Variants in ZNF273 observed in about 807,000 individuals in gnomAD.
ZNF273 encodes the protein zinc finger protein 273, also known as zinc finger protein 9.
In ZNF273, 11 loss-of-function variants were observed where a neutral mutation model predicts 14.9. That is an observed-to-expected ratio of 0.74 (90% CI 0.46 to 1.22). ZNF273 has a LOEUF of 1.22. ZNF273 is among the 50% of genes most tolerant of loss of function. The pLI is 0.00. For synonymous variants in ZNF273, 199 were observed against 223.9 expected, an observed-to-expected ratio of 0.89 and a Z score of 0.99; for missense variants, 577 against 660.6, an observed-to-expected ratio of 0.87 and a Z score of 1.39.
At chr7:64,911,275 C>T (rs1455768972) in intron 1 of ZNF273, among the ~76,000 whole-genome samples, 1 of 143,698 alleles carries the variant, frequency 7.0e-6, no homozygotes, top group Non-Finnish European at 1.5e-5. Context: ...TTATAGTGAA[C>T]TAGCCTTTTT....
At chr7:64,884,353 A>G (rs189062139), downstream of ZNF273, among the ~76,000 whole-genome samples, 2 of 152,076 alleles carry the variant, frequency 1.3e-5, no homozygotes, top group Admixed American at 6.5e-5. Flanking sequence ...CTCCCATTTG[A>G]GCCTTTATTT....
At position 64,921,605 on chromosome 7, in the gene ZNF273, CTTTTTTTTTTTTTTT is replaced by C. The variant is rs752363426; in HGVS notation, c.325+3331_325+3345del. On this transcript the variant is annotated intron_variant, in intron 3 of 3. Transcript: ENST00000476120. ...TATCAATCTTTGCTTCATGCTAATG[CTTTTTTTTTTTTTTT>C]TTTTTTTTTTTTTTTTTGTGTGTGA... Among the ~76,000 whole-genome samples, 178 of 57,958 alleles carry C rather than the reference CTTTTTTTTTTTTTTT, an allele frequency of 3.1e-3. 1 individual carries two copies. The highest frequency in any genetic ancestry group is 3.7e-3 in the Non-Finnish European group (117 of 31,478). The allele number at this position is 57,958 out of a possible 152,430, so 38.0% of individuals were successfully genotyped here.
downstream of ZNF273, chr7:64,893,396 T>C (rs1051052557): frequency 6.6e-6 from 1 of 152,244 alleles, no homozygotes; most frequent in African/African-American, 2.4e-5. Context: ...GTCCATCATG[T>C]TCTGTTTTCT....
intron 3 of ZNF273, among the ~76,000 whole-genome samples, chr7:64,921,365 A>C (rs1355669428): frequency 6.6e-6 from 1 of 151,878 alleles, no homozygotes; most frequent in East Asian, 1.9e-4. Context: ...CCTAGCCTTA[A>C]GTTTTCTTTG....
intron 1 of ZNF273, among the ~76,000 whole-genome samples, chr7:64,916,618 A>G (rs1378075011): frequency 1.3e-5 from 2 of 151,966 alleles, no homozygotes; most frequent in Non-Finnish European, 2.9e-5. Flanking sequence ...AAGAGGGCAT[A>G]AAACTGATGT....
At chr7:64,906,776 A>C (rs1583984329) in intron 1 of ZNF273, among the ~76,000 whole-genome samples, 1 of 152,168 alleles carries the variant, frequency 6.6e-6, no homozygotes, top group East Asian at 1.9e-4. Flanking sequence ...GTCTTACTGG[A>C]GATGAAGTTG....
Position 64,923,584 on chromosome 7 carries a change from C to T in ZNF273, c.326-4070C>T, listed in dbSNP as rs547445892. ...CTCGAACGCCTGACCTCGTGTGATC[C>T]GCCCTCCTCAGCCTCCCAAAGTGCT... On this transcript the variant is annotated intron_variant, in intron 3 of 3. Coordinates refer to ENST00000476120, the MANE Select transcript of ZNF273 (RefSeq NM_021148.3). 576 of 309,604 alleles carry T rather than the reference C, an allele frequency of 1.9e-3. 3 individuals carry two copies. Among genetic ancestry groups the T allele is most frequent in the Non-Finnish European group, 2.5e-3 (406 of 159,854 alleles). 19.2% of individuals were successfully genotyped at this position (309,604 alleles called of 1,614,324 possible).
chr7:64,921,648 CAG>C (rs1794473065), intron 3 of ZNF273, among the ~76,000 whole-genome samples: 1 of 69,132 alleles, frequency 1.4e-5, no homozygotes, highest in South Asian at 5.2e-4. Context: ...GTGTGTGAGA[CAG>C]AGTCTTGCTC....
chr7:64,883,968 C>T (rs551495186), downstream of ZNF273, among the ~76,000 whole-genome samples: 65 of 152,334 alleles, frequency 4.3e-4, no homozygotes, highest in African/African-American at 1.5e-3. Context: ...CTGTTACATC[C>T]GCCAACAACG....
At chr7:64,894,280 C>G (rs750240786), downstream of ZNF273, among the ~76,000 whole-genome samples, 1 of 151,800 alleles carries the variant, frequency 6.6e-6, no homozygotes, top group Non-Finnish European at 1.5e-5. Flanking sequence ...GCCGGGATTA[C>G]GGGCATGAGC....
At chr7:64,918,360 C>G in intron 3 of ZNF273, 68 bp downstream of exon 3, 4 of 1,415,190 alleles carry the variant, frequency 2.8e-6, no homozygotes, top group Middle Eastern at 1.9e-4. Flanking sequence ...AGGAGAAAGT[C>G]AGTTCTTAAA....
intron 3 of ZNF273, among the ~76,000 whole-genome samples, chr7:64,918,573 A>G (rs1794180876): frequency 6.7e-6 from 1 of 148,898 alleles, no homozygotes; most frequent in Admixed American, 6.9e-5. Flanking sequence ...AGGCAGGAAA[A>G]TCACTTGAAC....
downstream of ZNF273, among the ~76,000 whole-genome samples, chr7:64,883,077 G>T (rs1276851637): frequency 6.6e-6 from 1 of 151,906 alleles, no homozygotes; most frequent in Non-Finnish European, 1.5e-5. Context: ...TTTTTTTTCC[G>T]AGTGGCCCGA....
downstream of ZNF273, chr7:64,879,858 G>A (rs1169602015): frequency 6.6e-6 from 1 of 152,210 alleles, no homozygotes; most frequent in African/African-American, 2.4e-5. Flanking sequence ...ACAGGGCCAC[G>A]GAGACAAACT....
intron 1 of ZNF273, among the ~76,000 whole-genome samples, chr7:64,914,893 C>G (rs1220972754): frequency 7.5e-6 from 1 of 132,672 alleles, no homozygotes; most frequent in East Asian, 2.1e-4. Flanking sequence ...GAAGGAATCC[C>G]AGAGAAGGAG....
At chr7:64,922,322 G>GTTTTTTTGTT (rs1794525815) in intron 3 of ZNF273, among the ~76,000 whole-genome samples, 1 of 149,496 alleles carries the variant, frequency 6.7e-6, no homozygotes, top group Admixed American at 6.7e-5. Context: ...CTTTGTTTTT[G>GTTTTTTTGTT]TTTTTTTGTT....
chr7:64,932,302 A>C (rs1795006168), downstream of ZNF273, among the ~76,000 whole-genome samples: 1 of 151,724 alleles, frequency 6.6e-6, no homozygotes, highest in Non-Finnish European at 1.5e-5. Context: ...ATATGTTAGA[A>C]ATTTATTTAT....
At chr7:64,922,384 A>G (rs1225689317) in intron 3 of ZNF273, among the ~76,000 whole-genome samples, 1 of 151,410 alleles carries the variant, frequency 6.6e-6, no homozygotes, top group Admixed American at 6.6e-5. Context: ...ACTGGAGTGC[A>G]GTGGCATGAT....
At chr7:64,887,175 T>C (rs1791639542) in intron 1 of ZNF273, among the ~76,000 whole-genome samples, 1 of 152,244 alleles carries the variant, frequency 6.6e-6, no homozygotes, top group Non-Finnish European at 1.5e-5. Flanking sequence ...AGGTCTATCA[T>C]TATTTTCTGA....
Sources: allele counts gnomAD v4.1 joint callset (sites outside exome capture counted in the v4.1 genomes callset), GRCh38; gene constraint gnomAD v4.1.1; transcripts MANE v1.5; gene names NCBI Gene and HGNC (gene_info 2026-07-23, HGNC 2026-07-21).